ELFN2: variants seen among roughly 807,000 people sequenced by gnomAD.
The protein encoded by ELFN2 is protein phosphatase 1 regulatory subunit 29.
ELFN2 carries 17 observed loss-of-function variants against 45.5 expected under a neutral mutation model. The observed-to-expected ratio is 0.37, with a 90% CI of 0.26 to 0.56. ELFN2 has a LOEUF of 0.56. Among genes scored for constraint, ELFN2 ranks in the 20% least tolerant of loss-of-function variants. The pLI, the probability that ELFN2 is intolerant of heterozygous loss-of-function variation, is 0.77. For synonymous variants in ELFN2, 550 were observed against 551.5 expected (o/e 1.00, Z 0.04); for missense variants, 922 against 1,183.2 (o/e 0.78, Z 3.24).
chr22:37,386,115 A>G (rs1348462795), intron 2 of ELFN2, among the ~76,000 whole-genome samples: 9 of 151,648 alleles, frequency 5.9e-5, no homozygotes, highest in Admixed American at 2.0e-4. Flanking sequence ...CAAGTTTGGG[A>G]CTCCTACTGG....
rs372281298 is a variant in ELFN2 at position 37,417,122 on chromosome 22, G to GCCTCT, written c.-463+642_-463+646dup. ...CAACACAGCCTCGGTGACAGCCCCA[G>GCCTCT]CCTCTCCTCTCCTCTCCTCTCCAGG... On this transcript the variant is annotated intron_variant, in intron 2 of 2. Transcript: ENST00000402918. This position sits in a 1 kb window ranked among gnomAD's most constrained non-coding sequence, Gnocchi z 4.5. Among the ~76,000 whole-genome samples the GCCTCT allele has an allele frequency of 1.3e-4, 20 of 151,290 alleles. No individual in the cohort carries two copies. The highest frequency in any genetic ancestry group is 2.7e-4 in the Non-Finnish European group (18 of 67,496).
chr22:37,400,871 A>G (rs563039827), intron 2 of ELFN2, among the ~76,000 whole-genome samples: 9 of 152,390 alleles, frequency 5.9e-5, no homozygotes, highest in African/African-American at 2.2e-4. Flanking sequence ...ATAAATCACT[A>G]CACACCTGGA....
Position 37,424,680 on chromosome 22 carries a change from C to CG in ELFN2, c.-614+2617dup, listed in dbSNP as rs133725. Among the ~76,000 whole-genome samples, 1,093 of 146,248 alleles carry CG rather than the reference C, an allele frequency of 7.5e-3. 11 individuals carry two copies. Among genetic ancestry groups the CG allele is most frequent in the African/African-American group, 0.022 (855 of 39,412 alleles). On this transcript the variant is annotated intron_variant, in intron 1 of 2. Transcript: ENST00000402918. ...GTCTCCCTGTAGCCACTGAGGGCGG[C>CG]GGGGGGGGGGATGGAATTCACATTA...
intron 1 of ELFN2, among the ~76,000 whole-genome samples, chr22:37,421,791 A>G (rs1339640099): frequency 6.6e-6 from 1 of 152,246 alleles, no homozygotes; most frequent in East Asian, 1.9e-4. Context: ...CCGCCTGCAC[A>G]GAGCTGACAT....
intron 2 of ELFN2, among the ~76,000 whole-genome samples, chr22:37,377,167 G>A (rs565693747): frequency 5.3e-4 from 80 of 152,342 alleles, no homozygotes; most frequent in Middle Eastern, 3.4e-3. Flanking sequence ...GGGTCACAGC[G>A]GCAGACCATC....
intron 2 of ELFN2, among the ~76,000 whole-genome samples, chr22:37,404,805 C>G (rs1242309179): frequency 6.6e-6 from 1 of 152,162 alleles, no homozygotes; most frequent in Non-Finnish European, 1.5e-5. Flanking sequence ...AAGCCCGAAC[C>G]CAACACCTCA....
At chr22:37,423,240 G>A (rs1369652509) in intron 1 of ELFN2, among the ~76,000 whole-genome samples, 2 of 152,172 alleles carry the variant, frequency 1.3e-5, no homozygotes, top group African/African-American at 4.8e-5. Context: ...GGGATGGGGG[G>A]TTGAGATGCA....
At chr22:37,421,461 A>C (rs1483875022) in intron 1 of ELFN2, among the ~76,000 whole-genome samples, 1 of 152,224 alleles carries the variant, frequency 6.6e-6, no homozygotes, top group Non-Finnish European at 1.5e-5. Flanking sequence ...CTGCAGCAGC[A>C]ACCCCCTCTC....
rs749675532 is a variant in ELFN2 at position 37,373,668 on chromosome 22, C to A, written c.1867G>T (p.Ala623Ser). The A allele has an allele frequency of 3.2e-6, 5 of 1,573,286 alleles. No individual in the cohort carries two copies. In the South Asian group the frequency reaches 5.9e-5, roughly 19 times the overall value. Residue 623 changes from alanine (A) to serine (S), a missense_variant, in exon 3 of 3, where the codon GCC (alanine) becomes TCC (serine). Around this residue, in one of 2 missense-constraint regions of ELFN2, gnomAD observed 564 missense variants for 642.8 expected, o/e 0.88. Coordinates refer to ENST00000402918, the MANE Select transcript of ELFN2 (RefSeq NM_052906.5). The part of the protein sequence containing the change: ...PLQRQLSADA[A>S]VTRKTCSVSS... Reference sequence around the variant, plus strand: ...ACGCTGCAGGTCTTGCGGGTCACGGCCGCGTCGGCGCTCAGCTGGCGCTGT... The same window carrying A: ...ACGCTGCAGGTCTTGCGGGTCACGGACGCGTCGGCGCTCAGCTGGCGCTGT...
chr22:37,418,229 A>T (rs762180796), intron 1 of ELFN2, among the ~76,000 whole-genome samples: 15 of 151,882 alleles, frequency 9.9e-5, no homozygotes, highest in Non-Finnish European at 1.5e-4. Flanking sequence ...AGAGATGTGA[A>T]GGCACTGAGA....
intron 1 of ELFN2, among the ~76,000 whole-genome samples, chr22:37,360,508 A>G (rs1209881709): frequency 6.6e-6 from 1 of 152,192 alleles, no homozygotes; most frequent in Non-Finnish European, 1.5e-5. Flanking sequence ...CTCGTCCCTC[A>G]GTGAAGTCCT....
intron 2 of ELFN2, among the ~76,000 whole-genome samples, chr22:37,392,975 C>T (rs960682920): frequency 9.9e-5 from 15 of 152,232 alleles, no homozygotes; most frequent in African/African-American, 3.4e-4. Context: ...TTACTTCAGG[C>T]CTGCTGCCTG....
At position 37,374,473 on chromosome 22, in the gene ELFN2, G is replaced by A. The variant is rs767917608; in HGVS notation, c.1062C>T (p.His354=). 2.5e-6 allele frequency: 4 copies of A among 1,614,232 alleles called. No individual in the cohort carries two copies. The highest frequency in any genetic ancestry group is 1.1e-5 in the South Asian group (1 of 91,088). Reference sequence around the variant, plus strand: ...AGGTCACGCAGAAGGTGTACTCAGTGTGCGCCCGCAGTTTGTCCAGCGTCA... The same window carrying A: ...AGGTCACGCAGAAGGTGTACTCAGTATGCGCCCGCAGTTTGTCCAGCGTCA... ...EIVTLDKLRA[H]TEYTFCVTSL... The change falls in exon 3 of 3, where the codon CAC becomes CAT. Residue 354 remains histidine, a synonymous_variant. Coordinates refer to ENST00000402918, the MANE Select transcript of ELFN2 (RefSeq NM_052906.5).
In ELFN2 at chr22:37,414,542, T is replaced by C. The variant is rs192474238; in HGVS notation, c.-463+3227A>G. Among the ~76,000 whole-genome samples the C allele has an allele frequency of 3.9e-5, 6 of 152,318 alleles. No homozygotes were observed. In the East Asian group the frequency reaches 9.6e-4, roughly 24 times the overall value. On this transcript the variant is annotated intron_variant, in intron 2 of 2. Transcript: ENST00000402918. ...AACCCCTTGCTCCTTGCCTTCCTCT[T>C]CTGGAAACCAGGTTGCGATGCAGCT...
At chr22:37,411,715 C>A (rs1355328871) in intron 2 of ELFN2, among the ~76,000 whole-genome samples, 1 of 152,184 alleles carries the variant, frequency 6.6e-6, no homozygotes, top group African/African-American at 2.4e-5. Context: ...TTCTCAGTAG[C>A]TTCTAGCTTC....
chr22:37,423,619 A>G (rs1010098827), intron 1 of ELFN2, among the ~76,000 whole-genome samples: 2 of 152,194 alleles, frequency 1.3e-5, no homozygotes, highest in African/African-American at 4.8e-5. Context: ...GCCGCCCATA[A>G]AGAGCTTCGA....
chr22:37,363,465 C>T (rs1045314893), downstream of ELFN2, among the ~76,000 whole-genome samples: 45 of 152,048 alleles, frequency 3.0e-4, no homozygotes, highest in Non-Finnish European at 5.1e-4. Flanking sequence ...CGTGACCTTG[C>T]TTAGTTTGGC....
intron 2 of ELFN2, among the ~76,000 whole-genome samples, chr22:37,410,622 G>T (rs1012079434): frequency 2.6e-5 from 4 of 152,188 alleles, no homozygotes; most frequent in Non-Finnish European, 4.4e-5. Flanking sequence ...TCAAATTGGA[G>T]AGGGACGAGC....
At chr22:37,361,511 C>T (rs937542794) in intron 1 of ELFN2, among the ~76,000 whole-genome samples, 1 of 152,082 alleles carries the variant, frequency 6.6e-6, no homozygotes, top group African/African-American at 2.4e-5. Flanking sequence ...GCCTTCCAAG[C>T]CCACCCTGCT....
Sources: allele counts gnomAD v4.1 joint callset (sites outside exome capture counted in the v4.1 genomes callset), GRCh38; gene constraint gnomAD v4.1.1; regional missense constraint gnomAD v4.1.1; non-coding constraint Gnocchi (gnomAD v3.1); transcripts MANE v1.5; gene names NCBI Gene and HGNC (gene_info 2026-07-23, HGNC 2026-07-21).